Variants in CEBPZ observed in about 807,000 individuals in gnomAD.
The protein encoded by CEBPZ is CCAAT enhancer binding protein zeta, also known as CCAAT/enhancer-binding protein zeta.
In CEBPZ, 78 loss-of-function variants were observed where a neutral mutation model predicts 104.5. The ratio of observed to expected loss-of-function variants is 0.75; its 90% CI spans 0.62 to 0.90. CEBPZ has a LOEUF of 0.90. Ranked by LOEUF, CEBPZ falls within the 40% of genes least tolerant of loss-of-function variation. CEBPZ has a pLI of 0.00. For missense variants in CEBPZ, 1,439 were observed against 1,233.5 expected (o/e 1.17, Z -2.50); for synonymous variants, 470 against 427.0 (o/e 1.10, Z -1.24).
chr2:37,222,444 A>C lies in CEBPZ; in HGVS notation c.2001T>G (p.Pro667=), dbSNP rs1319636328. 1.2e-6 allele frequency: 2 copies of C among 1,609,264 alleles called. No homozygotes were observed. Among genetic ancestry groups the C allele is most frequent in the African/African-American group, 2.7e-5 (2 of 74,630 alleles). Residue 667 remains proline, a synonymous_variant, in exon 4 of 16, where the codon CCT becomes CCG. Coordinates refer to ENST00000234170, the MANE Select transcript of CEBPZ (RefSeq NM_005760.3). The part of the protein sequence containing the change: ...VKKLETEETV[P]ETDVETKKPE... ...GTTTTTTGGTTTCTACATCAGTTTC[A>C]GGAACTGTTTCCTCTGTCTCAAGTT...
chr2:37,222,322 T>C, intron 4 of CEBPZ, 58 bp downstream of exon 4: 4 of 1,332,672 alleles, frequency 3.0e-6, no homozygotes, highest in Non-Finnish European at 4.1e-6. Flanking sequence ...GAATGCTATT[T>C]TCTATGAAAA....
At chr2:37,218,055 C>G (rs1357763901) in intron 5 of CEBPZ, among the ~76,000 whole-genome samples, 2 of 151,678 alleles carry the variant, frequency 1.3e-5, no homozygotes, top group Non-Finnish European at 2.9e-5. Context: ...ATCACGAGGT[C>G]AGGAGATCGA....
chr2:37,212,522 T>C, intron 10 of CEBPZ, 130 bp from the exon 11 acceptor site: 1 of 756,656 alleles, frequency 1.3e-6, no homozygotes, highest in South Asian at 1.7e-5. Context: ...ACAATGTAAA[T>C]GTTACTGTTG....
At chr2:37,221,035 T>C (rs74683365) in intron 4 of CEBPZ, among the ~76,000 whole-genome samples, 2,106 of 152,046 alleles carry the variant, frequency 0.014, 54 homozygotes, top group African/African-American at 0.049. Context: ...AAACTTCTCC[T>C]TTGGCTGGGC....
intron 12 of CEBPZ, 35 bp downstream of exon 12, chr2:37,211,808 G>A: frequency 6.8e-7 from 1 of 1,471,376 alleles, no homozygotes; most frequent in Non-Finnish European, 9.2e-7. Context: ...AAGTGAGGAA[G>A]ACACAGTTTA....
intron 5 of CEBPZ, 58 bp downstream of exon 5, chr2:37,220,327 A>T: frequency 1.7e-6 from 1 of 572,358 alleles, no homozygotes; most frequent in Non-Finnish European, 2.6e-6. Context: ...AAAAAAAAAA[A>T]AATATATATA....
In CEBPZ at chr2:37,228,593, A is replaced by G. The variant is rs751286511; in HGVS notation, c.600T>C (p.Asp200=). 2.5e-5 allele frequency: 40 copies of G among 1,614,084 alleles called. No individual in the cohort carries two copies. Among genetic ancestry groups the G allele is most frequent in the Admixed American group, 8.3e-5 (5 of 60,002 alleles). ...CAAGGGTTTTGTACTTAGATACAAC[A>G]TCCTGAGGCTGGGGTTTCAAAGAAT... ...NEYSLKPQPQ[D]VVSKYKTLAQ... Residue 200 remains aspartate, a synonymous_variant, in exon 2 of 16, where the codon GAT becomes GAC. Coordinates refer to ENST00000234170, the MANE Select transcript of CEBPZ (RefSeq NM_005760.3).
In CEBPZ at chr2:37,227,535, T is replaced by A. The variant is rs983944977; in HGVS notation, c.1649+9A>T. On this transcript the variant is annotated intron_variant, in intron 2 of 15. Transcript: ENST00000234170. ...TTTCATGTCTCATATTGGAAGGGTA[T>A]GTTCTTACCTGTATAATGCTGTGTA... 6.3e-7 allele frequency: 1 copy of A among 1,586,998 alleles called. No homozygotes were observed. Among genetic ancestry groups the A allele is most frequent in the Non-Finnish European group, 8.6e-7 (1 of 1,167,452 alleles).
chr2:37,205,123 T>C (rs1677488304), intron 13 of CEBPZ, among the ~76,000 whole-genome samples: 1 of 152,230 alleles, frequency 6.6e-6, no homozygotes, highest in African/African-American at 2.4e-5. Context: ...ATCATAGTTA[T>C]TACAGGACTA....
chr2:37,208,265 G>C (rs763984672), intron 13 of CEBPZ, among the ~76,000 whole-genome samples: 3 of 152,116 alleles, frequency 2.0e-5, no homozygotes, highest in Non-Finnish European at 2.9e-5. Flanking sequence ...CCAAAAGATA[G>C]GGAAAGAGGG....
At position 37,212,362 on chromosome 2, in the gene CEBPZ, G is replaced by C; in HGVS notation, c.2576C>G (p.Ser859Cys). The change falls in exon 11 of 16, where the codon TCT (serine) becomes TGT (cysteine). Residue 859 changes from serine to cysteine, a missense_variant. Physicochemically the swap from Ser to Cys is moderately radical, Grantham distance 112. Coordinates refer to ENST00000234170, the MANE Select transcript of CEBPZ (RefSeq NM_005760.3). ...AGCAAAATCCATATCATCCTTTCCA[G>C]AGCTGAAACAGTTATCATCTTCAAA... ...DTFEDDNCFS[S>C]GKDDMDFAGN... 6.2e-7 allele frequency: 1 copy of C among 1,613,608 alleles called. No homozygotes were observed. Among genetic ancestry groups the C allele is most frequent in the Non-Finnish European group, 8.5e-7 (1 of 1,179,770 alleles).
chr2:37,216,311 C>A lies in CEBPZ; in HGVS notation c.2311+5G>T, dbSNP rs769864646. ...AGCCAAATAATTCACTAAATAGAAG[C>A]ATACCTTTGCCTTTATGGGGCTTTG... On this transcript the variant is annotated splice_donor_5th_base_variant and intron_variant, in intron 7 of 15. Transcript: ENST00000234170. The A allele has an allele frequency of 1.9e-6, 3 of 1,611,694 alleles. No homozygotes were observed.
At chr2:37,210,115 T>C (rs1677672447) in intron 13 of CEBPZ, 1 of 151,936 alleles carries the variant, frequency 6.6e-6, no homozygotes, top group Non-Finnish European at 1.5e-5. Context: ...AATTTAAAAA[T>C]AAAAAAAATT....
rs1490751166 is a variant in CEBPZ at position 37,203,018 on chromosome 2, A to T, written c.2885-10T>A. ...TTCTTTTTTCTTGGCCCTAAAAAAA[A>T]TTGTAAGTCTACATTATTCAATTAT... On this transcript the variant is annotated splice_polypyrimidine_tract_variant and intron_variant, in intron 13 of 15. Transcript: ENST00000234170. 6.6e-7 allele frequency: 1 copy of T among 1,511,720 alleles called. No homozygotes were observed. Among genetic ancestry groups the T allele is most frequent in the Admixed American group, 2.2e-5 (1 of 45,610 alleles). 93.6% of individuals were successfully genotyped at this position (1,511,720 alleles called of 1,614,324 possible).
At chr2:37,209,639 C>T (rs959756239) in intron 13 of CEBPZ, 1 of 152,088 alleles carries the variant, frequency 6.6e-6, no homozygotes, top group Non-Finnish European at 1.5e-5. Flanking sequence ...GCAGAAAACT[C>T]AAGATGGATC....
chr2:37,206,505 T>A (rs1028287199), intron 13 of CEBPZ, among the ~76,000 whole-genome samples: 1 of 152,146 alleles, frequency 6.6e-6, no homozygotes, highest in African/African-American at 2.4e-5. Flanking sequence ...TTATAGGGGC[T>A]TACCAACATG....
chr2:37,203,452 G>C (rs1677382388), intron 13 of CEBPZ: 1 of 146,294 alleles, frequency 6.8e-6, no homozygotes, highest in Non-Finnish European at 1.5e-5. Context: ...CAGCGAAAAA[G>C]GTTCTCCTTT....
chr2:37,228,266 C>T lies in CEBPZ; in HGVS notation c.927G>A (p.Gln309=), dbSNP rs35309951. The change falls in exon 2 of 16, where the codon CAG becomes CAA. Residue 309 remains glutamine, a synonymous_variant. Coordinates refer to ENST00000234170, the MANE Select transcript of CEBPZ (RefSeq NM_005760.3). ...PDNRKLRIFS[Q]RPFDKLEQLS... ...ACTGTTCCAGTTTGTCAAAAGGACG[C>T]TGGCTGAAAATCCTCAGCTTCCGAT... The T allele has an allele frequency of 1.1e-4, 177 of 1,614,150 alleles. No homozygotes were observed. The African/African-American group carries it at 2.2e-3, about 20-fold the overall frequency.
intron 10 of CEBPZ, 50 bp downstream of exon 10, chr2:37,213,814 T>C: frequency 8.0e-7 from 1 of 1,253,648 alleles, no homozygotes. Context: ...CCATGGTCTA[T>C]TAACACATAG....
Sources: allele counts gnomAD v4.1 joint callset (sites outside exome capture counted in the v4.1 genomes callset), GRCh38; gene constraint gnomAD v4.1.1; transcripts MANE v1.5; gene names NCBI Gene and HGNC (gene_info 2026-07-23, HGNC 2026-07-21).